Variants in RBFOX1 observed in about 807,000 individuals in gnomAD.
The protein encoded by RBFOX1 is RNA binding protein fox-1 homolog 1.
RBFOX1 carries 8 observed loss-of-function variants against 57.7 expected under a neutral mutation model. The ratio of observed to expected loss-of-function variants is 0.14; its 90% CI spans 0.08 to 0.25. RBFOX1 has a LOEUF of 0.25. Ranked by LOEUF, RBFOX1 falls within the 10% of genes least tolerant of loss-of-function variation. RBFOX1 has a pLI of 1.00. For synonymous variants in RBFOX1, 326 were observed against 222.4 expected, an observed-to-expected ratio of 1.47 and a Z score of -4.15; for missense variants, 611 against 548.5, an observed-to-expected ratio of 1.11 and a Z score of -1.14.
rs189705431 is a variant in RBFOX1 at position 5,806,910 on chromosome 16, C to T, written c.319-60393C>T. Reference sequence around the variant, plus strand: ...TTCTAAACCTCTCAGAGCCACTTACCGAAGCAGCCAGCCTTTCCCCACTGG... The same window carrying T: ...TTCTAAACCTCTCAGAGCCACTTACTGAAGCAGCCAGCCTTTCCCCACTGG... On this transcript the variant is annotated intron_variant, in intron 3 of 19. Coordinates refer to the RBFOX1 transcript ENST00000641259. 6.6e-5 allele frequency among the ~76,000 whole-genome samples: 10 copies of T among 152,196 alleles called. No homozygotes were observed. The East Asian group carries it at 7.7e-4, about 12-fold the overall frequency.
At chr16:6,978,587 G>C (rs568980021) in intron 3 of RBFOX1, among the ~76,000 whole-genome samples, 2 of 152,208 alleles carry the variant, frequency 1.3e-5, no homozygotes, top group African/African-American at 4.8e-5. Flanking sequence ...TATATTCTGG[G>C]TATTACCAGG....
intron 1 of RBFOX1, among the ~76,000 whole-genome samples, chr16:6,237,727 T>G (rs1664268088): frequency 6.6e-6 from 1 of 151,406 alleles, no homozygotes; most frequent in Non-Finnish European, 1.5e-5. Context: ...GGCGACAGAG[T>G]GAGACTCCAT....
intron 1 of RBFOX1, among the ~76,000 whole-genome samples, chr16:5,387,149 A>G (rs756151212): frequency 2.6e-5 from 4 of 152,232 alleles, no homozygotes; most frequent in Non-Finnish European, 2.9e-5. Flanking sequence ...CTTGGGGTGT[A>G]AGGACTGTGA....
exon 3 of RBFOX1, chr16:5,599,095 G>A (rs144438594): frequency 1.2e-6 from 1 of 866,570 alleles, no homozygotes; most frequent in Non-Finnish European, 1.9e-6. Context: ...GAATTAACTG[G>A]GTTTGAGGGG....
At chr16:7,197,647 C>G (rs559988664) in intron 4 of RBFOX1, among the ~76,000 whole-genome samples, 5 of 152,054 alleles carry the variant, frequency 3.3e-5, no homozygotes, top group Non-Finnish European at 7.4e-5. Context: ...CAGCATTATC[C>G]ACAATAGCTA....
At chr16:5,400,512 A>G (rs1274089386) in intron 1 of RBFOX1, among the ~76,000 whole-genome samples, 1 of 152,174 alleles carries the variant, frequency 6.6e-6, no homozygotes, top group Non-Finnish European at 1.5e-5. Flanking sequence ...AAATCATACC[A>G]TGTATCATTT....
At chr16:5,787,308 C>T (rs2054537556) in intron 3 of RBFOX1, among the ~76,000 whole-genome samples, 1 of 152,132 alleles carries the variant, frequency 6.6e-6, no homozygotes, top group East Asian at 1.9e-4. Context: ...CAGAGGTGTC[C>T]TCCAGTGCAC....
At chr16:7,250,318 G>T (rs936812845) in intron 4 of RBFOX1, among the ~76,000 whole-genome samples, 6 of 152,152 alleles carry the variant, frequency 3.9e-5, no homozygotes, top group African/African-American at 1.4e-4. Context: ...GGGAGCGTGG[G>T]ATGCTTATAT....
chr16:7,349,260 G>C (rs772471042), intron 4 of RBFOX1, among the ~76,000 whole-genome samples: 3 of 152,110 alleles, frequency 2.0e-5, no homozygotes, highest in Admixed American at 6.5e-5. Flanking sequence ...GTGGAGACTG[G>C]GAGACCAACC....
intron 3 of RBFOX1, among the ~76,000 whole-genome samples, chr16:6,795,074 C>T (rs1167466503): frequency 1.3e-5 from 2 of 152,122 alleles, no homozygotes; most frequent in Non-Finnish European, 2.9e-5. Context: ...ATATATGTCA[C>T]TTTAAAAAAA....
rs546726599 is a variant in RBFOX1, at chr16:6,978,571, C to G, written c.-15-73486C>G. Among the ~76,000 whole-genome samples the G allele has an allele frequency of 3.8e-5, 5 of 131,898 alleles. 1 individual carries two copies. The East Asian group carries it at 9.9e-4, about 26-fold the overall frequency. The allele number at this position is 131,898 out of a possible 152,430, so 86.5% of individuals were successfully genotyped here. The stretch of plus-strand genomic sequence containing the variant: ...CACTACAGTCATAGAGCCCCTTTCT[C>G]CTTTCTATATTCTGGGTATTACCAG... On this transcript the variant is annotated intron_variant, in intron 3 of 15. Transcript: ENST00000550418.
intron 4 of RBFOX1, among the ~76,000 whole-genome samples, chr16:7,405,304 C>A (rs963697742): frequency 6.6e-6 from 1 of 152,212 alleles, no homozygotes. Flanking sequence ...GTAGCCCCCC[C>A]GCTGCAAACC....
chr16:7,491,916 G>T (rs1189490275), intron 4 of RBFOX1, among the ~76,000 whole-genome samples: 1 of 152,090 alleles, frequency 6.6e-6, no homozygotes, highest in African/African-American at 2.4e-5. Context: ...AATTTTCATT[G>T]TACCACTCCG....
intron 1 of RBFOX1, among the ~76,000 whole-genome samples, chr16:5,438,554 C>T (rs1567511305): frequency 2.0e-5 from 3 of 152,266 alleles, no homozygotes; most frequent in South Asian, 4.1e-4. Context: ...GGCTCCCCAC[C>T]CAGCTAGTTC....
rs1170260156 is a variant in RBFOX1 at position 7,382,640 on chromosome 16, G to C, written c.28-135507G>C. 3.3e-5 allele frequency among the ~76,000 whole-genome samples: 5 copies of C among 152,310 alleles called. 1 individual carries two copies. In the East Asian group the frequency reaches 9.7e-4, roughly 29 times the overall value. On this transcript the variant is annotated intron_variant, in intron 4 of 15. Transcript: ENST00000550418. ...GATGGCAAGAACAGTGTTTTTCATAGTTAAAAGGAATTAAAATCTGTGTCC... is the reference window on the plus strand; with the variant it reads ...GATGGCAAGAACAGTGTTTTTCATACTTAAAAGGAATTAAAATCTGTGTCC...
intron 4 of RBFOX1, among the ~76,000 whole-genome samples, chr16:7,288,403 C>T (rs1430226847): frequency 6.6e-6 from 1 of 152,152 alleles, no homozygotes; most frequent in Non-Finnish European, 1.5e-5. Context: ...ATTTATCTTC[C>T]CTCATTCTCA....
chr16:6,406,536 G>A (rs1470163611), intron 2 of RBFOX1, among the ~76,000 whole-genome samples: 1 of 151,676 alleles, frequency 6.6e-6, no homozygotes, highest in Non-Finnish European at 1.5e-5. Flanking sequence ...TTGGAGGCTA[G>A]CTTCTTTTCT....
chr16:6,740,232 G>A (rs1030046632), intron 3 of RBFOX1, among the ~76,000 whole-genome samples: 2 of 151,906 alleles, frequency 1.3e-5, no homozygotes, highest in African/African-American at 4.8e-5. Context: ...AGAAGTCTCA[G>A]AAAAAAATAA....
At chr16:6,036,422 G>A (rs946031666) in intron 1 of RBFOX1, among the ~76,000 whole-genome samples, 2 of 151,910 alleles carry the variant, frequency 1.3e-5, no homozygotes, top group African/African-American at 4.8e-5. Flanking sequence ...TGCTTTTTTG[G>A]GGAGGGGTGG....
Sources: gnomAD v4.1 joint callset for allele counts (sites outside exome capture counted in the v4.1 genomes callset) on GRCh38, gnomAD v4.1.1 for gene constraint, MANE v1.5 for transcripts, NCBI Gene and HGNC (gene_info 2026-07-23, HGNC 2026-07-21) for gene names.